COG5: variants seen among roughly 807,000 people sequenced by gnomAD.
The protein encoded by COG5 is conserved oligomeric Golgi complex subunit 5.
A neutral mutation model predicts 110.4 loss-of-function variants in COG5; 86 were observed. That is an observed-to-expected ratio of 0.78 (90% CI 0.65 to 0.93). The LOEUF (loss-of-function observed/expected upper bound fraction) is 0.93, where lower values mean the gene tolerates loss of function less well. Among genes scored for constraint, COG5 ranks in the 40% least tolerant of loss-of-function variants. The probability of loss-of-function intolerance (pLI) is 0.00; values close to 1 mark genes in which losing one functional copy is unlikely to be tolerated. For missense variants in COG5, 1,077 were observed against 987.0 expected (o/e 1.09, Z -1.22); for synonymous variants, 360 against 334.6 (o/e 1.08, Z -0.83).
intron 7 of COG5, 133 bp from the exon 8 acceptor site, chr7:107,372,893 A>G (rs181230386): frequency 1.4e-5 from 11 of 792,026 alleles, no homozygotes; most frequent in African/African-American, 8.7e-5. Flanking sequence ...TAAAATTATC[A>G]AAGACAAGAA....
In COG5 at chr7:107,466,046, A is replaced by G. The variant is rs117262701; in HGVS notation, c.539-53414T>C. Among the ~76,000 whole-genome samples the G allele has an allele frequency of 1.4e-4, 22 of 152,322 alleles. No homozygotes were observed. In the East Asian group the frequency reaches 3.5e-3, roughly 24 times the overall value. ...TAACTTAAGAGTAAGAGAATTATGC[A>G]AAGAAAAAAAGGAAGCAAGAGAAAA... On this transcript the variant is annotated intron_variant, in intron 6 of 21. Coordinates refer to ENST00000297135, the MANE Select transcript of COG5 (RefSeq NM_006348.5).
At chr7:107,432,447 G>A (rs1182612684) in intron 6 of COG5, among the ~76,000 whole-genome samples, 1 of 152,148 alleles carries the variant, frequency 6.6e-6, no homozygotes, top group Non-Finnish European at 1.5e-5. Context: ...TAACAGGATA[G>A]TACCACCTAA....
intron 18 of COG5, among the ~76,000 whole-genome samples, chr7:107,233,279 G>C (rs1800911312): frequency 6.6e-6 from 1 of 152,228 alleles, no homozygotes; most frequent in Non-Finnish European, 1.5e-5. Flanking sequence ...CAGAACCCCA[G>C]TGTCGTGGAC....
chr7:107,387,067 G>A (rs755760091), intron 7 of COG5, among the ~76,000 whole-genome samples: 2 of 152,222 alleles, frequency 1.3e-5, no homozygotes, highest in African/African-American at 4.8e-5. Context: ...AGTGGCATTA[G>A]AAGGGGAGTT....
At chr7:107,400,016 A>T (rs542816552) in intron 7 of COG5, among the ~76,000 whole-genome samples, 1 of 152,116 alleles carries the variant, frequency 6.6e-6, no homozygotes, top group African/African-American at 2.4e-5. Flanking sequence ...TTTAAAAAGT[A>T]AACATAATAG....
chr7:107,460,679 T>A (rs1795935648), intron 6 of COG5, among the ~76,000 whole-genome samples: 1 of 152,014 alleles, frequency 6.6e-6, no homozygotes, highest in South Asian at 2.1e-4. Flanking sequence ...AAAAGGTAAT[T>A]ATTTCTGAAG....
chr7:107,464,968 C>T (rs1304240343), intron 6 of COG5, among the ~76,000 whole-genome samples: 1 of 152,158 alleles, frequency 6.6e-6, no homozygotes, highest in African/African-American at 2.4e-5. Flanking sequence ...AGGTTGCTAG[C>T]TACAACCCCT....
At chr7:107,323,426 G>T (rs111606285) in intron 11 of COG5, among the ~76,000 whole-genome samples, 1,682 of 152,260 alleles carry the variant, frequency 0.011, 18 homozygotes, top group South Asian at 0.03. Flanking sequence ...AGCTACTAGG[G>T]AGGCTGAGGC....
At chr7:107,379,597 G>C (rs950529105) in intron 7 of COG5, among the ~76,000 whole-genome samples, 4 of 66,194 alleles carry the variant, frequency 6.0e-5, no homozygotes, top group Non-Finnish European at 9.1e-5. Flanking sequence ...CAAATGGAAA[G>C]CAAAAAAAAA....
At chr7:107,529,218 C>A (rs1478539753) in intron 5 of COG5, among the ~76,000 whole-genome samples, 1 of 152,106 alleles carries the variant, frequency 6.6e-6, no homozygotes, top group Non-Finnish European at 1.5e-5. Flanking sequence ...ATGCACTTAA[C>A]AAAAACAATC....
At chr7:107,561,109 C>A (rs1803738205) in intron 1 of COG5, among the ~76,000 whole-genome samples, 1 of 152,134 alleles carries the variant, frequency 6.6e-6, no homozygotes, top group Admixed American at 6.5e-5. Context: ...TGTCATAGAG[C>A]TTACAAAGAT....
At chr7:107,404,604 CT>C (rs1791671774) in intron 7 of COG5, among the ~76,000 whole-genome samples, 1 of 151,930 alleles carries the variant, frequency 6.6e-6, no homozygotes, top group Non-Finnish European at 1.5e-5. Context: ...TAATAGAAAG[CT>C]TGTGAGACTG....
intron 10 of COG5, among the ~76,000 whole-genome samples, chr7:107,357,367 T>A (rs1001750889): frequency 6.6e-6 from 1 of 152,186 alleles, no homozygotes; most frequent in South Asian, 2.1e-4. Context: ...ATCTTTTCTA[T>A]AGATAGGTAC....
At chr7:107,228,774 A>AT (rs1250941208) in intron 19 of COG5, among the ~76,000 whole-genome samples, 2 of 146,622 alleles carry the variant, frequency 1.4e-5, no homozygotes, top group Non-Finnish European at 3.1e-5. Flanking sequence ...TTGTGTTGCC[A>AT]TTAAAAAAAA....
intron 6 of COG5, among the ~76,000 whole-genome samples, chr7:107,501,666 T>C (rs576396115): frequency 5.3e-5 from 8 of 152,278 alleles, no homozygotes; most frequent in Admixed American, 4.6e-4. Context: ...CAATTAGTTT[T>C]AAAAAAGGTT....
chr7:107,519,382 A>T, intron 6 of COG5, among the ~76,000 whole-genome samples: 1 of 152,102 alleles, frequency 6.6e-6, no homozygotes, highest in East Asian at 1.9e-4. Flanking sequence ...TGAAAAAATT[A>T]ACAAAATAGA....
intron 10 of COG5, among the ~76,000 whole-genome samples, chr7:107,350,565 T>C (rs186185412): frequency 3.0e-4 from 45 of 152,302 alleles, no homozygotes; most frequent in African/African-American, 1.1e-3. Context: ...GTTTTTATTT[T>C]TTCTGCTCTC....
At chr7:107,413,452 G>A (rs1440077879) in intron 6 of COG5, among the ~76,000 whole-genome samples, 1 of 150,968 alleles carries the variant, frequency 6.6e-6, no homozygotes, top group African/African-American at 2.4e-5. Flanking sequence ...CTGGGAGGGA[G>A]AAAGGTCTAT....
intron 6 of COG5, among the ~76,000 whole-genome samples, chr7:107,513,719 T>TA (rs1307527166): frequency 6.6e-6 from 1 of 152,074 alleles, no homozygotes; most frequent in African/African-American, 2.4e-5. Flanking sequence ...TATGCAGCCA[T>TA]AAAAAATGAA....
Sources: allele counts gnomAD v4.1 joint callset (sites outside exome capture counted in the v4.1 genomes callset), GRCh38; gene constraint gnomAD v4.1.1; transcripts MANE v1.5; gene names NCBI Gene and HGNC (gene_info 2026-07-23, HGNC 2026-07-21).